ANKHD1: variants seen among roughly 807,000 people sequenced by gnomAD.
ANKHD1 encodes ankyrin repeat and KH domain-containing protein 1.
Under a neutral mutation model 230.5 loss-of-function variants are expected in ANKHD1, and 31 were observed. The ratio of observed to expected loss-of-function variants is 0.13; its 90% CI spans 0.10 to 0.18. The LOEUF is 0.18. ANKHD1 is among the 10% of genes least tolerant of loss of function. The pLI is 1.00. For missense variants in ANKHD1, 2,256 were observed against 3,071.3 expected (o/e 0.73, Z 6.27); for synonymous variants, 1,074 against 1,117.6 (o/e 0.96, Z 0.78).
At chr5:140,416,303 A>G (rs990877758) in intron 1 of ANKHD1, among the ~76,000 whole-genome samples, 10 of 152,360 alleles carry the variant, frequency 6.6e-5, no homozygotes, top group African/African-American at 1.7e-4. Context: ...GTATATACCC[A>G]GTAATGGGAT....
intron 1 of ANKHD1, 131 bp from the exon 2 acceptor site, chr5:140,435,973 C>A: frequency 8.2e-7 from 1 of 1,217,930 alleles, no homozygotes; most frequent in Non-Finnish European, 1.1e-6. Context: ...TTCCCATACT[C>A]CCTTGTTTCT....
At chr5:140,524,882 C>T (rs942348628) in intron 25 of ANKHD1, 1 of 206,830 alleles carries the variant, frequency 4.8e-6, no homozygotes, top group Non-Finnish European at 1.0e-5. Flanking sequence ...GAGCGGATCA[C>T]GAGGTCAGGA....
chr5:140,453,480 A>T (rs1334623693), intron 7 of ANKHD1, among the ~76,000 whole-genome samples: 2 of 152,218 alleles, frequency 1.3e-5, no homozygotes, highest in Non-Finnish European at 2.9e-5. Flanking sequence ...CGGGTTACCC[A>T]CAAAGGGAAA....
intron 15 of ANKHD1, among the ~76,000 whole-genome samples, chr5:140,504,351 C>A (rs188803704): frequency 2.6e-5 from 4 of 152,322 alleles, no homozygotes; most frequent in Non-Finnish European, 5.9e-5. Context: ...TGCGCCCAGC[C>A]CCCTTTTTTT....
chr5:140,429,268 A>G (rs990893249), intron 1 of ANKHD1, among the ~76,000 whole-genome samples: 4 of 149,716 alleles, frequency 2.7e-5, no homozygotes, highest in Non-Finnish European at 4.4e-5. Flanking sequence ...TAATTTTTGT[A>G]TTTTTAGTAA....
intron 1 of ANKHD1, among the ~76,000 whole-genome samples, chr5:140,428,612 A>G (rs1489625735): frequency 2.6e-5 from 4 of 152,158 alleles, no homozygotes; most frequent in Non-Finnish European, 2.9e-5. Flanking sequence ...GCTCGGCATC[A>G]GAGGGAGACC....
intron 7 of ANKHD1, among the ~76,000 whole-genome samples, chr5:140,453,848 A>C (rs538720437): frequency 1.3e-5 from 2 of 152,228 alleles, no homozygotes; most frequent in South Asian, 2.1e-4. Context: ...GACAGGATCA[A>C]ATTCACACAT....
intron 26 of ANKHD1, 128 bp downstream of exon 26, chr5:140,526,571 T>C: frequency 8.1e-7 from 1 of 1,238,824 alleles, no homozygotes; most frequent in African/African-American, 1.5e-5. Context: ...TTATCTATCT[T>C]CAATATTCAA....
chr5:140,407,024 C>A (rs192514536), intron 1 of ANKHD1, among the ~76,000 whole-genome samples: 52 of 151,336 alleles, frequency 3.4e-4, no homozygotes, highest in Admixed American at 3.0e-3. Context: ...AGGCCTGGTG[C>A]GGTGGCTAAC....
chr5:140,530,386 T>C (rs1753761251), intron 29 of ANKHD1, among the ~76,000 whole-genome samples: 1 of 152,064 alleles, frequency 6.6e-6, no homozygotes, highest in Non-Finnish European at 1.5e-5. Context: ...TAATTTTTTG[T>C]ATTTTTAGTA....
intron 14 of ANKHD1, among the ~76,000 whole-genome samples, chr5:140,493,804 T>G (rs1751912099): frequency 6.6e-6 from 1 of 152,190 alleles, no homozygotes; most frequent in African/African-American, 2.4e-5. Flanking sequence ...TAATCTTGTG[T>G]TCCACGCTTC....
intron 6 of ANKHD1, among the ~76,000 whole-genome samples, chr5:140,447,169 C>G (rs1013639372): frequency 6.6e-6 from 1 of 152,054 alleles, no homozygotes; most frequent in Non-Finnish European, 1.5e-5. Flanking sequence ...TCCTAAAGTG[C>G]TGGGGTTACA....
intron 29 of ANKHD1, 152 bp from the exon 30 acceptor site, chr5:140,535,210 T>G (rs1581385685): frequency 8.0e-7 from 1 of 1,244,456 alleles, no homozygotes; most frequent in South Asian, 1.7e-5. Context: ...GATGGATTGT[T>G]TTTGCTGTGG....
intron 29 of ANKHD1, among the ~76,000 whole-genome samples, chr5:140,532,180 C>G (rs1453878070): frequency 6.7e-6 from 1 of 149,122 alleles, no homozygotes; most frequent in Non-Finnish European, 1.5e-5. Context: ...GCACTCCAGC[C>G]TGGTGACAGA....
At chr5:140,469,870 A>G (rs561478147) in intron 10 of ANKHD1, among the ~76,000 whole-genome samples, 53 of 151,776 alleles carry the variant, frequency 3.5e-4, no homozygotes, top group Non-Finnish European at 4.7e-4. Context: ...TTACATTACT[A>G]GTCTTTCTTA....
intron 14 of ANKHD1, among the ~76,000 whole-genome samples, chr5:140,492,291 T>G (rs1490175442): frequency 1.3e-5 from 2 of 152,180 alleles, no homozygotes; most frequent in African/African-American, 4.8e-5. Context: ...CTTATAGTAA[T>G]AAGAAGAAGA....
intron 1 of ANKHD1, among the ~76,000 whole-genome samples, chr5:140,426,211 C>T (rs1049884804): frequency 3.3e-5 from 5 of 152,222 alleles, no homozygotes; most frequent in African/African-American, 1.2e-4. Flanking sequence ...CTCACTGCAA[C>T]TTCTGCCTCC....
In ANKHD1 at chr5:140,446,127, T is replaced by C. The variant is rs898942585; in HGVS notation, c.1147+152T>C. On this transcript the variant is annotated intron_variant, in intron 6 of 33. Transcript: ENST00000360839. The stretch of plus-strand genomic sequence containing the variant: ...AAGAAATTATATAGAAAGTCTATTT[T>C]AGTCTATATTGCCTGTAATATAGTT... The C allele has an allele frequency of 4.1e-6, 3 of 728,068 alleles. No individual in the cohort carries two copies. In the Admixed American group the frequency reaches 1.2e-4, roughly 28 times the overall value. 45.1% of individuals were successfully genotyped at this position (728,068 alleles called of 1,614,324 possible). A position where few individuals can be genotyped will look rare whatever the true frequency, so the allele number is the denominator to read the frequency against.
intron 10 of ANKHD1, among the ~76,000 whole-genome samples, chr5:140,476,130 C>T (rs531621979): frequency 2.6e-4 from 39 of 151,852 alleles, no homozygotes; most frequent in African/African-American, 8.5e-4. Flanking sequence ...ATATTAGACA[C>T]AGTTGAATGC....
Sources: allele counts gnomAD v4.1 joint callset (sites outside exome capture counted in the v4.1 genomes callset), GRCh38; gene constraint gnomAD v4.1.1; transcripts MANE v1.5; gene names NCBI Gene and HGNC (gene_info 2026-07-23, HGNC 2026-07-21).